The following TENM2 variants were observed in gnomAD, a reference collection of about 807,000 sequenced individuals.
The protein encoded by TENM2 is teneurin-2.
In TENM2, 52 loss-of-function variants were observed where a neutral mutation model predicts 245.2. That is an observed-to-expected ratio of 0.21 (90% CI 0.17 to 0.27). The LOEUF is 0.27. TENM2 is among the 10% of genes least tolerant of loss of function. The pLI is 1.00. For synonymous variants in TENM2, 1,363 were observed against 1,438.9 expected, an observed-to-expected ratio of 0.95 and a Z score of 1.19; for missense variants, 3,046 against 3,666.8, an observed-to-expected ratio of 0.83 and a Z score of 4.37.
At chr5:167,527,881 C>G (rs140303273) in intron 2 of TENM2, among the ~76,000 whole-genome samples, 1 of 152,132 alleles carries the variant, frequency 6.6e-6, no homozygotes, top group Non-Finnish European at 1.5e-5. Flanking sequence ...AAGGCCGAGT[C>G]CATCTTTTTT....
chr5:167,614,134 C>T (rs1161957897), intron 2 of TENM2, among the ~76,000 whole-genome samples: 5 of 152,074 alleles, frequency 3.3e-5, no homozygotes, highest in South Asian at 2.1e-4. Context: ...GGAGGGTACA[C>T]GCCGCTACTC....
chr5:167,117,522 TAAA>T, the TENM2 span, among the ~76,000 whole-genome samples: 1 of 151,568 alleles, frequency 6.6e-6, no homozygotes. Context: ...TAATAATAAA[TAAA>T]AAGAAGCCTA....
intron 2 of TENM2, among the ~76,000 whole-genome samples, chr5:167,629,807 G>A (rs1778745464): frequency 6.6e-6 from 1 of 152,084 alleles, no homozygotes; most frequent in Non-Finnish European, 1.5e-5. Flanking sequence ...ACCACCCAGA[G>A]TGTGTTATAA....
chr5:167,518,477 A>C (rs1770544328), intron 2 of TENM2, among the ~76,000 whole-genome samples: 2 of 152,190 alleles, frequency 1.3e-5, no homozygotes, highest in South Asian at 4.1e-4. Flanking sequence ...CATTTTTGTA[A>C]GTCAAAACAA....
the TENM2 span, among the ~76,000 whole-genome samples, chr5:167,135,471 A>G: frequency 6.6e-6 from 1 of 152,094 alleles, no homozygotes; most frequent in East Asian, 1.9e-4. Context: ...CTTGGCTCTT[A>G]AAAAACAAAA....
At chr5:167,825,254 G>C (rs1369970378) in intron 2 of TENM2, among the ~76,000 whole-genome samples, 1 of 151,978 alleles carries the variant, frequency 6.6e-6, no homozygotes, top group African/African-American at 2.4e-5. Flanking sequence ...CAGCTAATGA[G>C]TACCTCTTTG....
At chr5:167,076,146 C>T in the TENM2 span, among the ~76,000 whole-genome samples, 11 of 152,070 alleles carry the variant, frequency 7.2e-5, no homozygotes, top group African/African-American at 2.2e-4. Flanking sequence ...CAACCTTTTG[C>T]TTAATGAAGT....
chr5:166,996,730 A>G, the TENM2 span, among the ~76,000 whole-genome samples: 1 of 152,186 alleles, frequency 6.6e-6, no homozygotes. Flanking sequence ...CCAAGGAAAG[A>G]TTTTGTACCT....
chr5:167,736,299 A>G lies in TENM2; in HGVS notation c.503-139687A>G, dbSNP rs190786355. Among the ~76,000 whole-genome samples the G allele has an allele frequency of 7.2e-5, 11 of 152,254 alleles. No homozygotes were observed. The East Asian group carries it at 2.1e-3, about 30-fold the overall frequency. ...CAATTATCTCCACCTGGTCCCTCCCATGACACGTGAGGATTATGGGAACTA... is the reference window on the plus strand; with the variant it reads ...CAATTATCTCCACCTGGTCCCTCCCGTGACACGTGAGGATTATGGGAACTA... On this transcript the variant is annotated intron_variant, in intron 2 of 28. Transcript: ENST00000518659.
intron 27 of TENM2, among the ~76,000 whole-genome samples, chr5:168,255,046 CAAAA>C (rs371103095): frequency 8.0e-6 from 1 of 124,378 alleles, no homozygotes; most frequent in Non-Finnish European, 1.7e-5. Flanking sequence ...GACGCTGTCT[CAAAA>C]AAAAAAAAGA....
chr5:167,103,093 A>G, the TENM2 span, among the ~76,000 whole-genome samples: 2 of 152,244 alleles, frequency 1.3e-5, no homozygotes, highest in African/African-American at 4.8e-5. Context: ...GAGCTATCCA[A>G]TGTACAAATA....
the TENM2 span, among the ~76,000 whole-genome samples, chr5:167,182,872 C>T: frequency 6.6e-6 from 1 of 152,100 alleles, no homozygotes; most frequent in Non-Finnish European, 1.5e-5. Flanking sequence ...GAAATGTGTG[C>T]ACTTTCTATT....
chr5:167,269,017 T>A, the TENM2 span, among the ~76,000 whole-genome samples: 3 of 152,100 alleles, frequency 2.0e-5, no homozygotes, highest in Non-Finnish European at 4.4e-5. Flanking sequence ...TTATTTTAAA[T>A]CTTTCAAAGA....
At chr5:167,670,067 A>C (rs1256049987) in intron 2 of TENM2, among the ~76,000 whole-genome samples, 1 of 152,166 alleles carries the variant, frequency 6.6e-6, no homozygotes, top group Non-Finnish European at 1.5e-5. Context: ...TTATTTTTTA[A>C]GTATCTCTTT....
At chr5:168,259,013 C>A (rs141231767) in intron 27 of TENM2, among the ~76,000 whole-genome samples, 229 of 151,450 alleles carry the variant, frequency 1.5e-3, no homozygotes, top group African/African-American at 5.4e-3. Flanking sequence ...CAAAGCCCCG[C>A]CTCTACTAAT....
At chr5:167,181,545 A>T in the TENM2 span, among the ~76,000 whole-genome samples, 204 of 150,810 alleles carry the variant, frequency 1.4e-3, no homozygotes, top group Admixed American at 4.9e-3. Context: ...TTAGGTCAAC[A>T]CATATAACAG....
At position 167,667,886 on chromosome 5, in the gene TENM2, A is replaced by G. The variant is rs541731971; in HGVS notation, c.503-208100A>G. Among the ~76,000 whole-genome samples, 8 of 152,336 alleles carry G rather than the reference A, an allele frequency of 5.3e-5. No individual in the cohort carries two copies. The East Asian group carries it at 1.5e-3, about 29-fold the overall frequency. On this transcript the variant is annotated intron_variant, in intron 2 of 28. Coordinates refer to ENST00000518659, the Ensembl canonical transcript of TENM2. ...CTACATATCTCAGTTTCTCTGTCTG[A>G]GCACTTAAGATATGGCCAGCAGCCT...
intron 2 of TENM2, among the ~76,000 whole-genome samples, chr5:167,464,266 G>A (rs1049948698): frequency 1.1e-4 from 17 of 152,136 alleles, no homozygotes; most frequent in African/African-American, 4.1e-4. Flanking sequence ...GAGAGAGAAT[G>A]TGCATTGTTT....
intron 3 of TENM2, among the ~76,000 whole-genome samples, chr5:167,926,129 T>G (rs542407411): frequency 2.8e-4 from 42 of 152,088 alleles, no homozygotes; most frequent in Middle Eastern, 3.4e-3. Context: ...AAAAATAAAA[T>G]AAAAATAAAG....
Sources: allele counts gnomAD v4.1 joint callset (sites outside exome capture counted in the v4.1 genomes callset), GRCh38; gene constraint gnomAD v4.1.1; transcripts MANE v1.5; gene names NCBI Gene and HGNC (gene_info 2026-07-23, HGNC 2026-07-21).